ALKBH8: variants seen among roughly 807,000 people sequenced by gnomAD.
ALKBH8 encodes alkB homolog 8, tRNA methyltransferase, also known as tRNA (carboxymethyluridine(34)-5-O)-methyltransferase ALKBH8.
In ALKBH8, 36 loss-of-function variants were observed where a neutral mutation model predicts 59.8. The ratio of observed to expected loss-of-function variants is 0.60; its 90% CI spans 0.46 to 0.79. The LOEUF is 0.79. Among genes scored for constraint, ALKBH8 ranks in the 30% least tolerant of loss-of-function variants. The pLI, the probability that ALKBH8 is intolerant of heterozygous loss-of-function variation, is 0.00. For synonymous variants in ALKBH8, 276 were observed against 273.6 expected (o/e 1.01, Z -0.09); for missense variants, 768 against 801.0 (o/e 0.96, Z 0.50).
chr11:107,556,289 AAAAT>A (rs1285150518), intron 3 of ALKBH8, among the ~76,000 whole-genome samples: 1 of 152,022 alleles, frequency 6.6e-6, no homozygotes, highest in South Asian at 2.1e-4. Flanking sequence ...AAAAAGCAAA[AAAAT>A]AAATAAATAA....
At chr11:107,551,445 G>C (rs1360575224) in intron 6 of ALKBH8, among the ~76,000 whole-genome samples, 2 of 152,116 alleles carry the variant, frequency 1.3e-5, no homozygotes, top group Non-Finnish European at 2.9e-5. Flanking sequence ...TGTAATCCCA[G>C]CACTTTGGGA....
chr11:107,547,070 A>G (rs748022316), intron 7 of ALKBH8, among the ~76,000 whole-genome samples: 7 of 152,212 alleles, frequency 4.6e-5, no homozygotes, highest in Non-Finnish European at 7.4e-5. Context: ...AGTCTTTGAC[A>G]TTATATTTAA....
Position 107,504,980 on chromosome 11 carries a change from G to A in ALKBH8, c.1673C>T (p.Pro558Leu), listed in dbSNP as rs541296766. 5.8e-6 allele frequency: 9 copies of A among 1,551,596 alleles called. No individual in the cohort carries two copies. Among genetic ancestry groups the A allele is most frequent in the Admixed American group, 3.9e-5 (2 of 50,986 alleles). The change falls in exon 12 of 12, where the codon CCC becomes CTC. Residue 558 changes from proline (P) to leucine (L), a missense_variant. Coordinates refer to ENST00000428149, the MANE Select transcript of ALKBH8 (RefSeq NM_138775.3). ...TCCTTCCTGAGAGTCATTAATGCGG[G>A]GGACAGAAGATGCCGAGTCTCGACT... ...MGSRDSASSV[P>L]RINDSQEGGC...
Position 107,511,036 on chromosome 11 carries a change from T to C in ALKBH8, c.1288A>G (p.Ile430Val), listed in dbSNP as rs530169445. 1 of 1,550,828 alleles carries C rather than the reference T, an allele frequency of 6.4e-7. No homozygotes were observed. The highest frequency in any genetic ancestry group is 2.4e-5 in the East Asian group (1 of 40,912). Residue 430 changes from isoleucine (I) to valine (V), a missense_variant and splice_region_variant, in exon 11 of 12, where the codon ATT becomes GTT. Physicochemically the swap from Ile to Val is conservative, Grantham distance 29. Coordinates refer to ENST00000428149, the MANE Select transcript of ALKBH8 (RefSeq NM_138775.3). Reference protein sequence around the residue: ...YLGINKELYMIGCDRSQNLVD... With the variant: ...YLGINKELYMVGCDRSQNLVD... ...AGGTTTTGGCTACGATCACAACCAA[T>C]CTGTAACAGAGAAGGAATTCCATAA... is the stretch of plus-strand genomic sequence containing the variant.
chr11:107,541,561 A>C (rs1395744653), intron 7 of ALKBH8, among the ~76,000 whole-genome samples: 1 of 152,254 alleles, frequency 6.6e-6, no homozygotes, highest in Admixed American at 6.5e-5. Flanking sequence ...TTTGTCTTAA[A>C]GAACAAAGCT....
chr11:107,544,803 T>C (rs1217727072), intron 7 of ALKBH8, among the ~76,000 whole-genome samples: 1 of 145,768 alleles, frequency 6.9e-6, no homozygotes, highest in African/African-American at 2.6e-5. Flanking sequence ...TCACCATGGC[T>C]TTAGATACAA....
chr11:107,531,571 A>C (rs1863595593), intron 8 of ALKBH8, among the ~76,000 whole-genome samples: 1 of 152,256 alleles, frequency 6.6e-6, no homozygotes, highest in South Asian at 2.1e-4. Flanking sequence ...CCTCGATCAG[A>C]AAGAATGCTT....
chr11:107,540,768 T>C (rs1052144861), intron 7 of ALKBH8, among the ~76,000 whole-genome samples: 1 of 152,240 alleles, frequency 6.6e-6, no homozygotes, highest in Non-Finnish European at 1.5e-5. Flanking sequence ...AATTAAGTTT[T>C]ACTTTACATA....
chr11:107,514,009 A>G (rs1252448727), intron 10 of ALKBH8, among the ~76,000 whole-genome samples: 2 of 152,120 alleles, frequency 1.3e-5, no homozygotes, highest in African/African-American at 2.4e-5. Flanking sequence ...ATTTACCTAT[A>G]TAACAAACCT....
intron 10 of ALKBH8, among the ~76,000 whole-genome samples, chr11:107,521,151 G>C (rs941240242): frequency 6.6e-6 from 1 of 152,094 alleles, no homozygotes; most frequent in Non-Finnish European, 1.5e-5. Flanking sequence ...CAGATACCAA[G>C]GGACTAATAT....
intron 7 of ALKBH8, among the ~76,000 whole-genome samples, chr11:107,544,266 C>T (rs981476296): frequency 6.6e-6 from 1 of 152,204 alleles, no homozygotes; most frequent in African/African-American, 2.4e-5. Flanking sequence ...TTTATGATGT[C>T]ATGCCATGAA....
At position 107,542,490 on chromosome 11, in the gene ALKBH8, T is replaced by C. The variant is rs1348853948; in HGVS notation, c.771+7263A>G. On this transcript the variant is annotated intron_variant, in intron 7 of 11. Transcript: ENST00000428149. ...TGGTGAAGGTTTCATGAGCTTTTTATTAAGTATGTGCAGTGCTTGGGACGT... is the reference window on the plus strand; with the variant it reads ...TGGTGAAGGTTTCATGAGCTTTTTACTAAGTATGTGCAGTGCTTGGGACGT... Among the ~76,000 whole-genome samples, 8 of 152,312 alleles carry C rather than the reference T, an allele frequency of 5.3e-5. No individual in the cohort carries two copies. The East Asian group carries it at 1.3e-3, about 26-fold the overall frequency.
At chr11:107,548,258 A>G (rs1215516122) in intron 7 of ALKBH8, among the ~76,000 whole-genome samples, 1 of 152,228 alleles carries the variant, frequency 6.6e-6, no homozygotes, top group Non-Finnish European at 1.5e-5. Context: ...TCCATGGGGA[A>G]GGTCTCCAGT....
In ALKBH8 at chr11:107,505,204, C is replaced by T; in HGVS notation, c.1449G>A (p.Val483=). The T allele has an allele frequency of 6.5e-7, 1 of 1,542,776 alleles. No homozygotes were observed. The highest frequency in any genetic ancestry group is 8.8e-7 in the Non-Finnish European group (1 of 1,142,544). The stretch of plus-strand genomic sequence containing the variant: ...GTCGAACAATTTCTTGGAGAGCTGC[C>T]ACTCTACGCTCCTAATGAAAAAAAA... ...IHHFATAERR[V]AALQEIVRLL... Residue 483 remains valine, a synonymous_variant, in exon 12 of 12, where the codon GTG becomes GTA. Coordinates refer to ENST00000428149, the MANE Select transcript of ALKBH8 (RefSeq NM_138775.3).
intron 8 of ALKBH8, among the ~76,000 whole-genome samples, 200 bp downstream of exon 8, chr11:107,532,100 T>C (rs2135524953): frequency 6.6e-6 from 1 of 152,324 alleles, no homozygotes; most frequent in East Asian, 1.9e-4. Context: ...TGTACTATGC[T>C]TGCAAGTTTG....
rs1863325584 is a variant in ALKBH8 at position 107,525,715 on chromosome 11, C to G, written c.879-123G>C. 6.3e-6 allele frequency: 4 copies of G among 639,742 alleles called. No homozygotes were observed. The South Asian group carries it at 1.6e-4, about 25-fold the overall frequency. 39.6% of individuals were successfully genotyped at this position (639,742 alleles called of 1,614,324 possible). A position where few individuals can be genotyped will look rare whatever the true frequency, so the allele number is the denominator to read the frequency against. Reference sequence around the variant, plus strand: ...TTTATTACAAATATCTATTGGATTCCCTGAATTGTTAGACATTGTGGAAAA... The same window carrying G: ...TTTATTACAAATATCTATTGGATTCGCTGAATTGTTAGACATTGTGGAAAA... On this transcript the variant is annotated intron_variant, in intron 8 of 11. Coordinates refer to ENST00000428149, the MANE Select transcript of ALKBH8 (RefSeq NM_138775.3).
chr11:107,514,118 G>A (rs632521), intron 10 of ALKBH8, among the ~76,000 whole-genome samples: 142,308 of 152,016 alleles, frequency 0.94, 66,756 homozygotes, highest in South Asian at 0.97. Flanking sequence ...GCAGGCTTTT[G>A]AAATTTACAT....
chr11:107,527,029 T>C (rs1009647192), intron 8 of ALKBH8, among the ~76,000 whole-genome samples: 2 of 151,990 alleles, frequency 1.3e-5, no homozygotes, highest in African/African-American at 4.8e-5. Flanking sequence ...CAAGATTGTT[T>C]TGACAATCAC....
intron 7 of ALKBH8, among the ~76,000 whole-genome samples, chr11:107,544,278 C>G (rs1031921591): frequency 3.3e-5 from 5 of 152,172 alleles, no homozygotes; most frequent in African/African-American, 1.2e-4. Context: ...TGCCATGAAA[C>G]AGACTTTGTT....
Sources: gnomAD v4.1 joint callset for allele counts (sites outside exome capture counted in the v4.1 genomes callset) on GRCh38, gnomAD v4.1.1 for gene constraint, MANE v1.5 for transcripts, NCBI Gene and HGNC (gene_info 2026-07-23, HGNC 2026-07-21) for gene names.